DTNA: variants seen among roughly 807,000 people sequenced by gnomAD.
DTNA encodes dystrobrevin alpha.
A neutral mutation model predicts 100.7 loss-of-function variants in DTNA; 43 were observed. The ratio of observed to expected loss-of-function variants is 0.43; its 90% CI spans 0.33 to 0.55. The LOEUF (loss-of-function observed/expected upper bound fraction) is 0.55. Ranked by LOEUF, DTNA falls within the 20% of genes least tolerant of loss-of-function variation. The pLI is 0.04. For synonymous variants in DTNA, 349 were observed against 347.9 expected (o/e 1.00, Z -0.04); for missense variants, 798 against 953.9 (o/e 0.84, Z 2.15).
At position 34,694,901 on chromosome 18, in the gene DTNA, C is replaced by T. The variant is rs189786821; in HGVS notation, c.-1-61075C>T. Among the ~76,000 whole-genome samples, 314 of 152,228 alleles carry T rather than the reference C, an allele frequency of 2.1e-3. 2 individuals carry two copies. The highest frequency in any genetic ancestry group is 7.3e-3 in the African/African-American group (302 of 41,544). ...TGAGCCTCTCATCCCCTCAGTTAAA[C>T]AGGTTCTGGTTTTATACTGAAGCAG... On this transcript the variant is annotated intron_variant, in intron 1 of 19. Coordinates refer to the DTNA transcript ENST00000283365.
intron 1 of DTNA, among the ~76,000 whole-genome samples, chr18:34,645,708 A>G (rs1302468702): frequency 6.6e-6 from 1 of 152,120 alleles, no homozygotes; most frequent in Non-Finnish European, 1.5e-5. Flanking sequence ...GTAAATAGGG[A>G]GTCTCTTCAG....
At chr18:34,753,677 C>T (rs1256928008) in intron 1 of DTNA, among the ~76,000 whole-genome samples, 9 of 141,866 alleles carry the variant, frequency 6.3e-5, no homozygotes, top group South Asian at 2.1e-4. Context: ...CCACCGCGCC[C>T]GGCCTGTGAT....
chr18:34,756,136 C>A, intron 2 of DTNA, 93 bp downstream of exon 2: 1 of 1,431,788 alleles, frequency 7.0e-7, no homozygotes, highest in Non-Finnish European at 9.6e-7. Flanking sequence ...GATATTTGTA[C>A]TTTTCCTTAG....
chr18:34,606,286 A>G (rs954214372), intron 1 of DTNA, among the ~76,000 whole-genome samples: 14 of 152,198 alleles, frequency 9.2e-5, no homozygotes. Flanking sequence ...TATAAAGTCT[A>G]TGTTGTCTCT....
chr18:34,738,023 T>C (rs1369193539), intron 1 of DTNA: 1 of 152,194 alleles, frequency 6.6e-6, no homozygotes, highest in East Asian at 1.9e-4. Context: ...GTGGTAGACA[T>C]GCCTATTGGA....
At chr18:34,746,047 C>A (rs1016404205) in intron 1 of DTNA, among the ~76,000 whole-genome samples, 2 of 151,786 alleles carry the variant, frequency 1.3e-5, no homozygotes, top group Non-Finnish European at 2.9e-5. Flanking sequence ...AAAAGTATTC[C>A]AAAATATTTT....
At position 34,875,259 on chromosome 18, in the gene DTNA, C is replaced by G; in HGVS notation, c.1764C>G (p.Pro588=). 6.2e-7 allele frequency: 1 copy of G among 1,614,054 alleles called. No individual in the cohort carries two copies. The highest frequency in any genetic ancestry group is 8.5e-7 in the Non-Finnish European group (1 of 1,179,958). ...TCCAGACTCAGGGGGCAGGCTCTCC[C>G]CGCTCCTCCCCCAGCCACACCATCA... is the stretch of plus-strand genomic sequence containing the variant. ...KLLKTQGAGS[P]RSSPSHTISR... Residue 588 remains proline, a synonymous_variant, in exon 18 of 23, where the codon CCC becomes CCG. Transcript: ENST00000444659.
At chr18:34,623,509 T>G (rs2056862067) in intron 1 of DTNA, among the ~76,000 whole-genome samples, 1 of 152,224 alleles carries the variant, frequency 6.6e-6, no homozygotes, top group Non-Finnish European at 1.5e-5. Flanking sequence ...TTTTCACCAA[T>G]TAGTTTCAGG....
At chr18:34,626,695 G>A (rs9973036) in intron 1 of DTNA, among the ~76,000 whole-genome samples, 10,207 of 152,242 alleles carry the variant, frequency 0.067, 422 homozygotes, top group African/African-American at 0.079. Flanking sequence ...ATAGATATTA[G>A]TGATAAGGAG....
At chr18:34,547,508 T>C (rs894248146) in intron 1 of DTNA, among the ~76,000 whole-genome samples, 4 of 152,148 alleles carry the variant, frequency 2.6e-5, no homozygotes, top group Non-Finnish European at 5.9e-5. Context: ...CTCTGTGCTC[T>C]GACCTGTGTG....
intron 17 of DTNA, chr18:34,866,992 CAAATTAAATT>C (rs1568846630): frequency 3.7e-5 from 43 of 1,148,616 alleles, no homozygotes; most frequent in Admixed American, 1.5e-4. Context: ...AAAAAAAAAA[CAAATTAAATT>C]AAATTAAATT....
At chr18:34,706,765 A>G (rs750451857), upstream of DTNA, among the ~76,000 whole-genome samples, 3 of 152,216 alleles carry the variant, frequency 2.0e-5, no homozygotes, top group Admixed American at 6.5e-5. Context: ...TTGATATTAA[A>G]TTGTATAAAT....
At chr18:34,781,811 C>T (rs1281963493) in intron 3 of DTNA, among the ~76,000 whole-genome samples, 1 of 152,144 alleles carries the variant, frequency 6.6e-6, no homozygotes, top group Non-Finnish European at 1.5e-5. Flanking sequence ...AAAAGTAATG[C>T]AGTTGCTACT....
At chr18:34,603,865 T>C (rs2147266622) in intron 1 of DTNA, among the ~76,000 whole-genome samples, 2 of 152,318 alleles carry the variant, frequency 1.3e-5, no homozygotes, top group South Asian at 4.1e-4. Context: ...CTTGGTAGTT[T>C]TTCTTGGTAG....
intron 1 of DTNA, among the ~76,000 whole-genome samples, chr18:34,632,126 A>G (rs2058148887): frequency 6.6e-6 from 1 of 152,184 alleles, no homozygotes; most frequent in Admixed American, 6.5e-5. Flanking sequence ...AATTAATAGA[A>G]TTTAATCCAT....
chr18:34,757,078 A>T, intron 2 of DTNA: 1 of 152,242 alleles, frequency 6.6e-6, no homozygotes, highest in Non-Finnish European at 1.5e-5. Context: ...CCAAGATAGC[A>T]TTAGAACTAA....
Position 34,616,159 on chromosome 18 carries a change from G to A in DTNA, c.-2+122645G>A, listed in dbSNP as rs141615855. ...TCTCTTTTAAGTTATCTGAGAAGTTGCCAAACTGTTTTCCACATGGCTGAA... is the reference window on the plus strand; with the variant it reads ...TCTCTTTTAAGTTATCTGAGAAGTTACCAAACTGTTTTCCACATGGCTGAA... On this transcript the variant is annotated intron_variant, in intron 1 of 19. Transcript: ENST00000283365. Among the ~76,000 whole-genome samples the A allele has an allele frequency of 2.4e-4, 37 of 152,270 alleles. 1 individual carries two copies. The South Asian group carries it at 6.6e-3, about 27-fold the overall frequency.
At position 34,882,665 on chromosome 18, in the gene DTNA, CT is replaced by C. The variant is rs2096884665; in HGVS notation, c.2295+465del. Among the ~76,000 whole-genome samples, 2 of 152,056 alleles carry C rather than the reference CT, an allele frequency of 1.3e-5. 1 individual carries two copies. Among genetic ancestry groups the C allele is most frequent in the South Asian group, 4.2e-4 (2 of 4,816 alleles). On this transcript the variant is annotated intron_variant, in intron 21 of 22. Coordinates refer to ENST00000444659, the MANE Select transcript of DTNA (RefSeq NM_001386795.1). ...TTACAGGCGTGAGCCACTGCACCCACTCTTATAGCTGTCACTCACCATGTAT... is the reference window on the plus strand; with the variant it reads ...TTACAGGCGTGAGCCACTGCACCCACCTTATAGCTGTCACTCACCATGTAT...
At chr18:34,726,251 T>A (rs539747515) in intron 1 of DTNA, among the ~76,000 whole-genome samples, 42 of 151,186 alleles carry the variant, frequency 2.8e-4, no homozygotes, top group African/African-American at 8.7e-4. Context: ...TATAATAATT[T>A]AAAAAAAAAT....
Sources: allele counts gnomAD v4.1 joint callset (sites outside exome capture counted in the v4.1 genomes callset), GRCh38; gene constraint gnomAD v4.1.1; transcripts MANE v1.5; gene names NCBI Gene and HGNC (gene_info 2026-07-23, HGNC 2026-07-21).